Variants in ASB14 observed in about 807,000 individuals in gnomAD.
ASB14 encodes ankyrin repeat and SOCS box containing 14.
ASB14 carries 63 observed loss-of-function variants against 55.6 expected under a neutral mutation model. That is an observed-to-expected ratio of 1.13 (90% CI 0.92 to 1.40). The LOEUF is 1.40. Among genes scored for constraint, ASB14 ranks in the 40% most tolerant of loss-of-function variants. ASB14 has a pLI of 0.00. For synonymous variants in ASB14, 256 were observed against 259.9 expected (o/e 0.98, Z 0.15); for missense variants, 724 against 710.4 (o/e 1.02, Z -0.22).
At chr3:57,276,034 C>T (rs1274047920) in intron 10 of ASB14, among the ~76,000 whole-genome samples, 3 of 152,036 alleles carry the variant, frequency 2.0e-5, no homozygotes, top group Non-Finnish European at 4.4e-5. Flanking sequence ...GGAACGTATC[C>T]TCTGAAGATA....
chr3:57,284,828 C>T (rs1237116628), intron 5 of ASB14, among the ~76,000 whole-genome samples: 1 of 152,052 alleles, frequency 6.6e-6, no homozygotes, highest in East Asian at 1.9e-4. Context: ...CTTTTCTGCT[C>T]AGTGTTTTCT....
chr3:57,283,836 T>TA (rs35410055), intron 5 of ASB14, among the ~76,000 whole-genome samples: 59 of 149,052 alleles, frequency 4.0e-4, no homozygotes, highest in Middle Eastern at 3.5e-3. Flanking sequence ...TGCCAAAAAT[T>TA]AAAAAAAAAA....
chr3:57,286,274 C>CT lies in ASB14; in HGVS notation c.469+1626dup, dbSNP rs541957246. 2.5e-3 allele frequency among the ~76,000 whole-genome samples: 341 copies of CT among 138,468 alleles called. 1 individual carries two copies. The highest frequency in any genetic ancestry group is 0.011 in the South Asian group (46 of 4,296). The allele number at this position is 138,468 out of a possible 152,430, so 90.8% of individuals were successfully genotyped here. ...TTGTGAGTCTTCCCTAGTGACTTGT[C>CT]TTTTTTTTTTTCAGCTTTTTATGAT... On this transcript the variant is annotated intron_variant, in intron 5 of 10. Coordinates refer to ENST00000487349, the MANE Select transcript of ASB14 (RefSeq NM_001142733.3).
rs567834518 is a variant in ASB14, at chr3:57,276,229, C to T, written c.*22+299G>A. On this transcript the variant is annotated intron_variant, in intron 10 of 10. Coordinates refer to ENST00000487349, the MANE Select transcript of ASB14 (RefSeq NM_001142733.3). ...TTTGGGTTTTTTTTTTTTTAACTGC[C>T]TAGAGAATGCTAGTCATTTATATGT... is the stretch of plus-strand genomic sequence containing the variant. 4.7e-5 allele frequency among the ~76,000 whole-genome samples: 7 copies of T among 150,010 alleles called. No homozygotes were observed. In the South Asian group the frequency reaches 1.5e-3, roughly 32 times the overall value.
chr3:57,286,843 C>T (rs2061084619), intron 5 of ASB14, among the ~76,000 whole-genome samples: 1 of 152,196 alleles, frequency 6.6e-6, no homozygotes, highest in Non-Finnish European at 1.5e-5. Flanking sequence ...TCTCTCATTC[C>T]TCTTATTCAC....
chr3:57,283,373 C>G lies in ASB14; in HGVS notation c.536G>C (p.Arg179Pro). 1.9e-6 allele frequency: 3 copies of G among 1,551,522 alleles called. No homozygotes were observed. Among genetic ancestry groups the G allele is most frequent in the Non-Finnish European group, 2.6e-6 (3 of 1,146,820 alleles). Residue 179 changes from arginine (R) to proline (P), a missense_variant, in exon 6 of 11, where the codon CGT (arginine) becomes CCT (proline). Coordinates refer to ENST00000487349, the MANE Select transcript of ASB14 (RefSeq NM_001142733.3). ...GAGAGCTGTCCTCTCGTTGGCACAA[C>G]GCAGATTGACATCTGCTCCATAGTT... is the stretch of plus-strand genomic sequence containing the variant. ...LINYGADVNL[R>P]CANERTALHE... is the part of the protein sequence containing the mutation.
intron 6 of ASB14, 60 bp from the exon 7 acceptor site, chr3:57,280,533 A>G (rs1449895492): frequency 6.9e-7 from 1 of 1,446,466 alleles, no homozygotes; most frequent in Non-Finnish European, 9.4e-7. Context: ...TTCTTGAGCA[A>G]TCTTAAAAAT....
In ASB14 at chr3:57,288,038, T is replaced by C. The variant is rs982628748; in HGVS notation, c.332A>G (p.Glu111Gly). 14 of 1,537,254 alleles carry C rather than the reference T, an allele frequency of 9.1e-6. No individual in the cohort carries two copies. The highest frequency in any genetic ancestry group is 1.4e-5 in the African/African-American group (1 of 73,054). Residue 111 changes from glutamate to glycine, a missense_variant, in exon 5 of 11, where the codon GAG becomes GGG. Coordinates refer to ENST00000487349, the MANE Select transcript of ASB14 (RefSeq NM_001142733.3). ...TLSASDPSLW[E>G]QTTHNGETPL... ...CGTTTCACCATTGTGAGTGGTTTGC[T>C]CCCACAGACTGGGGTCTGAAGCTGA... is the stretch of plus-strand genomic sequence containing the variant.
Position 57,292,034 on chromosome 3 carries a change from G to A in ASB14, c.-1C>T. ...CTTCATCGCTGGTGTAATTATCCAT[G>A]TGAAACGTGGACAGGTTTACTTTAA... On this transcript the variant is annotated 5_prime_UTR_variant, in exon 2 of 11. Coordinates refer to ENST00000487349, the MANE Select transcript of ASB14 (RefSeq NM_001142733.3). 9 of 1,534,384 alleles carry A rather than the reference G, an allele frequency of 5.9e-6. No individual in the cohort carries two copies. The highest frequency in any genetic ancestry group is 7.9e-6 in the Non-Finnish European group (9 of 1,144,634).
At chr3:57,276,390 ATCC>A (rs939636531) in intron 10 of ASB14, 135 bp downstream of exon 10, 3 of 604,604 alleles carry the variant, frequency 5.0e-6, no homozygotes, top group African/African-American at 3.8e-5. Context: ...AGGTGAAGCA[ATCC>A]TCCTGCCTCA....
At chr3:57,288,812 T>G (rs2107629819) in intron 3 of ASB14, 1 of 263,798 alleles carries the variant, frequency 3.8e-6, no homozygotes, top group East Asian at 1.0e-4. Flanking sequence ...TCTCCTGGGT[T>G]CAAGCAATTC....
At chr3:57,283,997 T>C (rs2061059281) in intron 5 of ASB14, among the ~76,000 whole-genome samples, 1 of 152,040 alleles carries the variant, frequency 6.6e-6, no homozygotes, top group Non-Finnish European at 1.5e-5. Flanking sequence ...CACCAAAGTA[T>C]GTTGTATAGA....
At chr3:57,287,612 C>G (rs1283075175) in intron 5 of ASB14, among the ~76,000 whole-genome samples, 3 of 152,138 alleles carry the variant, frequency 2.0e-5, no homozygotes, top group Non-Finnish European at 4.4e-5. Context: ...TGCCCTTCAC[C>G]CCTGCTCCAT....
At chr3:57,277,631 T>C in intron 9 of ASB14, 136 bp downstream of exon 9, 1 of 759,710 alleles carries the variant, frequency 1.3e-6, no homozygotes, top group East Asian at 2.7e-5. Flanking sequence ...GTAACATTTT[T>C]AAAGATAGGA....
In ASB14 at chr3:57,268,528, G is replaced by GA. The variant is rs2060911261; in HGVS notation, c.*1112dup. 6.5e-7 allele frequency: 1 copy of GA among 1,541,762 alleles called. No individual in the cohort carries two copies. The highest frequency in any genetic ancestry group is 8.7e-7 in the Non-Finnish European group (1 of 1,149,490). On this transcript the variant is annotated 3_prime_UTR_variant, in exon 11 of 11. Coordinates refer to ENST00000487349, the MANE Select transcript of ASB14 (RefSeq NM_001142733.3). ...GTCTGGATCTTTATGTGTTGTTTGTGAAGACTTAATTCAGCACTATGACTT... is the reference window on the plus strand; with the variant it reads ...GTCTGGATCTTTATGTGTTGTTTGTGAAAGACTTAATTCAGCACTATGACTT...
At position 57,276,680 on chromosome 3, in the gene ASB14, C is replaced by T. The variant is rs2060990037; in HGVS notation, c.1634G>A (p.Cys545Tyr). Residue 545 changes from cysteine to tyrosine, a missense_variant, in exon 10 of 11, where the codon TGC becomes TAC. By Grantham distance (194) the Cys-to-Tyr change is radical (BLOSUM62 -2). Coordinates refer to ENST00000487349, the MANE Select transcript of ASB14 (RefSeq NM_001142733.3). ...GCAGCGCAAATGTAACCGTCCCATG[C>T]ATTTCCGGATCTTTAGGCGGCACAA... ...KHLCRLKIRK[C>Y]MGRLHLRCPV... 1 of 1,614,040 alleles carries T rather than the reference C, an allele frequency of 6.2e-7. No homozygotes were observed. The highest frequency in any genetic ancestry group is 1.3e-5 in the African/African-American group (1 of 75,042).
rs1413338601 is a variant in ASB14, at chr3:57,280,365, G to T, written c.824C>A (p.Ala275Asp). 1 of 1,551,134 alleles carries T rather than the reference G, an allele frequency of 6.4e-7. No individual in the cohort carries two copies. Among genetic ancestry groups the T allele is most frequent in the East Asian group, 2.4e-5 (1 of 40,910 alleles). ...VALLLEYGAD[A>D]NIPKNSGHLP... The stretch of plus-strand genomic sequence containing the variant: ...GTGGCCTGAATTCTTAGGGATGTTG[G>T]CATCAGCTCCATACTCCAGCAAGAG... Residue 275 changes from alanine to aspartate, a missense_variant, in exon 7 of 11, where the codon GCC becomes GAC. Ala to Asp is a moderately radical substitution (Grantham distance 126, BLOSUM62 -2). Coordinates refer to ENST00000487349, the MANE Select transcript of ASB14 (RefSeq NM_001142733.3).
intron 8 of ASB14, among the ~76,000 whole-genome samples, 198 bp downstream of exon 8, chr3:57,278,179 A>C (rs1234976005): frequency 6.6e-6 from 1 of 152,112 alleles, no homozygotes; most frequent in Admixed American, 6.5e-5. Flanking sequence ...AATCACTTTT[A>C]CCTCTGTACT....
rs191509922 is a variant in ASB14 at position 57,278,263 on chromosome 3, C to T, written c.1431+114G>A. 2,248 of 722,198 alleles carry T rather than the reference C, an allele frequency of 3.1e-3. 5 individuals carry two copies. Among genetic ancestry groups the T allele is most frequent in the South Asian group, 2.8e-3 (121 of 43,926 alleles). The allele number at this position is 722,198 out of a possible 1,614,324, so 44.7% of individuals were successfully genotyped here. Reference sequence around the variant, plus strand: ...ATTATTTTATCATATAATTATTATACTAGGATCTCTTCAACCAAGCCTCTG... The same window carrying T: ...ATTATTTTATCATATAATTATTATATTAGGATCTCTTCAACCAAGCCTCTG... On this transcript the variant is annotated intron_variant, in intron 8 of 10. Coordinates refer to ENST00000487349, the MANE Select transcript of ASB14 (RefSeq NM_001142733.3).
Sources: allele counts gnomAD v4.1 joint callset (sites outside exome capture counted in the v4.1 genomes callset), GRCh38; gene constraint gnomAD v4.1.1; transcripts MANE v1.5; gene names NCBI Gene and HGNC (gene_info 2026-07-23, HGNC 2026-07-21).